Variants in KBTBD11 observed in about 807,000 individuals in gnomAD.
KBTBD11 encodes kelch repeat and BTB domain-containing protein 11.
For missense variants in KBTBD11, 1,390 were observed against 1,001.8 expected (o/e 1.39, Z -5.23); for synonymous variants, 747 against 499.0 (o/e 1.50, Z -6.63).
rs1442780349 is a variant in KBTBD11, at chr8:2,002,892, G to A, written c.1700G>A (p.Arg567His). 1.4e-5 allele frequency: 18 copies of A among 1,322,416 alleles called. No individual in the cohort carries two copies. The highest frequency in any genetic ancestry group is 4.1e-5 in the Admixed American group (1 of 24,180). The allele number at this position is 1,322,416 out of a possible 1,614,324, so 81.9% of individuals were successfully genotyped here. A position where few individuals can be genotyped will look rare whatever the true frequency, so the allele number is the denominator to read the frequency against. ...GACGGCGCCATCTACTGCGTGAGCC[G>A]CGCGGGCACCTGGCGCTTCCAGCCT... ...ALDGAIYCVS[R>H]AGTWRFQPAR... is the part of the protein sequence containing the mutation. The change falls in exon 2 of 2, where the codon CGC (arginine) becomes CAC (histidine). Residue 567 changes from arginine (R) to histidine (H), a missense_variant. By Grantham distance (29) the Arg-to-His change is conservative. Coordinates refer to ENST00000320248, the MANE Select transcript of KBTBD11 (RefSeq NM_014867.3). This position sits in a 1 kb window ranked among gnomAD's most constrained non-coding sequence, Gnocchi z 4.1.
intron 1 of KBTBD11, among the ~76,000 whole-genome samples, chr8:1,980,123 A>G (rs894045496): frequency 1.3e-5 from 2 of 152,138 alleles, no homozygotes; most frequent in African/African-American, 4.8e-5. Flanking sequence ...TAAGTATGAC[A>G]TCTTATTAGA....
Position 1,973,709 on chromosome 8 carries a change from C to A in KBTBD11, c.-1135C>A, listed in dbSNP as rs970102596. On this transcript the variant is annotated 5_prime_UTR_variant, in exon 1 of 2. Coordinates refer to ENST00000320248, the MANE Select transcript of KBTBD11 (RefSeq NM_014867.3). ...GCGCGCGCCCCTCGCAGCCTGGAGCCGGAGCGCTGGCTCCGCGCGGCCTGG... is the reference window on the plus strand; with the variant it reads ...GCGCGCGCCCCTCGCAGCCTGGAGCAGGAGCGCTGGCTCCGCGCGGCCTGG... 72 of 983,704 alleles carry A rather than the reference C, an allele frequency of 7.3e-5. No homozygotes were observed. Among genetic ancestry groups the A allele is most frequent in the Non-Finnish European group, 8.6e-5 (71 of 829,334 alleles). The allele number at this position is 983,704 out of a possible 1,614,324, so 60.9% of individuals were successfully genotyped here. A position where few individuals can be genotyped will look rare whatever the true frequency, so the allele number is the denominator to read the frequency against.
At chr8:1,974,421 C>A (rs922005012) in intron 1 of KBTBD11, 2 of 985,144 alleles carry the variant, frequency 2.0e-6, no homozygotes, top group Non-Finnish European at 2.4e-6. Flanking sequence ...GGCGGGGGCT[C>A]CTCCCGGGGT....
chr8:2,001,330 G>A lies in KBTBD11; in HGVS notation c.138G>A (p.Gly46=). The A allele has an allele frequency of 1.3e-6, 2 of 1,516,450 alleles. No individual in the cohort carries two copies. The highest frequency in any genetic ancestry group is 1.8e-6 in the Non-Finnish European group (2 of 1,140,090). The allele number at this position is 1,516,450 out of a possible 1,614,324, so 93.9% of individuals were successfully genotyped here. A position where few individuals can be genotyped will look rare whatever the true frequency, so the allele number is the denominator to read the frequency against. The change falls in exon 2 of 2, where the codon GGG becomes GGA. Residue 46 remains glycine (G), a synonymous_variant. Transcript: ENST00000320248. The part of the protein sequence containing the change: ...SLGASLCFSS[G]EESPPQSLAS... ...GCGCGTCCCTGTGCTTCAGCTCCGG[G>A]GAAGAGTCCCCGCCGCAGTCCCTCG...
rs1161290017 is a variant in KBTBD11, at chr8:2,002,309, G to A, written c.1117G>A (p.Asp373Asn). 1 of 1,336,700 alleles carries A rather than the reference G, an allele frequency of 7.5e-7. No homozygotes were observed. The highest frequency in any genetic ancestry group is 1.7e-5 in the South Asian group (1 of 58,918). The allele number at this position is 1,336,700 out of a possible 1,614,324, so 82.8% of individuals were successfully genotyped here. ...VAGGVAPAGP[D>N]GRARPSDQVF... Reference sequence around the variant, plus strand: ...GGGCGGCGTGGCGCCCGCGGGCCCCGACGGCCGCGCGCGCCCGTCCGACCA... The same window carrying A: ...GGGCGGCGTGGCGCCCGCGGGCCCCAACGGCCGCGCGCGCCCGTCCGACCA... Residue 373 changes from aspartate to asparagine, a missense_variant, in exon 2 of 2, where the codon GAC (aspartate) becomes AAC (asparagine). By Grantham distance (23) the Asp-to-Asn change is conservative. Transcript: ENST00000320248. This position sits in a 1 kb window ranked among gnomAD's most constrained non-coding sequence, Gnocchi z 4.1.
At chr8:1,990,390 C>T (rs1211457737) in intron 1 of KBTBD11, among the ~76,000 whole-genome samples, 1 of 130,996 alleles carries the variant, frequency 7.6e-6, no homozygotes, top group Non-Finnish European at 1.6e-5. Flanking sequence ...GGCCTTGGCG[C>T]CCTGTCCGGG....
chr8:1,979,830 G>A (rs545208257), intron 1 of KBTBD11, among the ~76,000 whole-genome samples: 6 of 152,230 alleles, frequency 3.9e-5, no homozygotes, highest in Non-Finnish European at 7.3e-5. Flanking sequence ...GACAGGGCTC[G>A]GGCCTCATCC....
At chr8:1,998,098 G>A (rs539678293) in intron 1 of KBTBD11, among the ~76,000 whole-genome samples, 14 of 152,364 alleles carry the variant, frequency 9.2e-5, no homozygotes, top group Middle Eastern at 3.4e-3. Flanking sequence ...TCCAAAATCT[G>A]AACTGTTTTG....
intron 1 of KBTBD11, among the ~76,000 whole-genome samples, chr8:1,991,130 A>T (rs141251000): frequency 7.0e-6 from 1 of 143,878 alleles, no homozygotes; most frequent in Non-Finnish European, 1.5e-5. Context: ...GTCCGGGTAG[A>T]TGCTGTGGGG....
chr8:2,005,687 A>G lies in KBTBD11; in HGVS notation c.*2623A>G, dbSNP rs1817552288. 6.0e-6 allele frequency: 1 copy of G among 167,124 alleles called. No homozygotes were observed. Among genetic ancestry groups the G allele is most frequent in the South Asian group, 2.1e-4 (1 of 4,830 alleles). The allele number at this position is 167,124 out of a possible 1,614,324, so 10.4% of individuals were successfully genotyped here. ...GTCATCCACCCATTAAAATAGTTAG[A>G]TGAGGCTATTGCCTTGATGACAGCT... On this transcript the variant is annotated 3_prime_UTR_variant, in exon 2 of 2. Transcript: ENST00000320248.
Position 2,001,996 on chromosome 8 carries a change from C to A in KBTBD11, c.804C>A (p.Arg268=). ...GCGACCACTATCTGGAGGTGCTGCGCGAGCCCGCCGTGTTCGGCCGCCTGT... is the reference window on the plus strand; with the variant it reads ...GCGACCACTATCTGGAGGTGCTGCGAGAGCCCGCCGTGTTCGGCCGCCTGT... The part of the protein sequence containing the change: ...FMSDHYLEVL[R]EPAVFGRLSG... The change falls in exon 2 of 2, where the codon CGC becomes CGA. Residue 268 remains arginine (R), a synonymous_variant. Transcript: ENST00000320248. 7.1e-7 allele frequency: 1 copy of A among 1,414,988 alleles called. No homozygotes were observed. Among genetic ancestry groups the A allele is most frequent in the Non-Finnish European group, 9.3e-7 (1 of 1,076,954 alleles). The allele number at this position is 1,414,988 out of a possible 1,614,324, so 87.7% of individuals were successfully genotyped here. A position where few individuals can be genotyped will look rare whatever the true frequency, so the allele number is the denominator to read the frequency against.
In KBTBD11 at chr8:2,001,736, A is replaced by G; in HGVS notation, c.544A>G (p.Thr182Ala). The G allele has an allele frequency of 7.3e-7, 1 of 1,362,410 alleles. No individual in the cohort carries two copies. The highest frequency in any genetic ancestry group is 1.5e-5 in the African/African-American group (1 of 65,334). The allele number at this position is 1,362,410 out of a possible 1,614,324, so 84.4% of individuals were successfully genotyped here. A position where few individuals can be genotyped will look rare whatever the true frequency, so the allele number is the denominator to read the frequency against. The part of the protein sequence containing the change: ...DVLRVQGVSL[T>A]ALRLLLADAY... ...GCTGCGGGTGCAGGGAGTGAGCCTGACGGCGCTGCGGCTGCTCCTCGCCGA... is the reference window on the plus strand; with the variant it reads ...GCTGCGGGTGCAGGGAGTGAGCCTGGCGGCGCTGCGGCTGCTCCTCGCCGA... The change falls in exon 2 of 2, where the codon ACG (threonine) becomes GCG (alanine). Residue 182 changes from threonine (T) to alanine (A), a missense_variant. Coordinates refer to ENST00000320248, the MANE Select transcript of KBTBD11 (RefSeq NM_014867.3).
intron 1 of KBTBD11, among the ~76,000 whole-genome samples, chr8:1,997,159 G>C (rs961021028): frequency 5.3e-5 from 8 of 152,250 alleles, no homozygotes; most frequent in Admixed American, 2.0e-4. Flanking sequence ...GCGAGTTTCA[G>C]TAATTTCACA....
At chr8:1,993,141 C>G (rs973994262) in intron 1 of KBTBD11, among the ~76,000 whole-genome samples, 3 of 151,930 alleles carry the variant, frequency 2.0e-5, no homozygotes, top group African/African-American at 4.8e-5. Flanking sequence ...GGGAAAGGGT[C>G]TCCCCATGTT....
In KBTBD11 at chr8:2,001,950, A is replaced by T; in HGVS notation, c.758A>T (p.Asp253Val). ...AKRQRLNELRDAAYCFMSDHY... is the reference protein window; with the variant it reads ...AKRQRLNELRVAAYCFMSDHY... ...CGGCAGCGGCTGAACGAGCTGCGCG[A>T]CGCCGCCTACTGCTTCATGAGCGAC... Residue 253 changes from aspartate (D) to valine (V), a missense_variant, in exon 2 of 2, where the codon GAC becomes GTC. By Grantham distance (152) the Asp-to-Val change is radical. Transcript: ENST00000320248. 6.8e-7 allele frequency: 1 copy of T among 1,473,808 alleles called. No homozygotes were observed. Among genetic ancestry groups the T allele is most frequent in the African/African-American group, 1.5e-5 (1 of 68,026 alleles). 91.3% of individuals were successfully genotyped at this position (1,473,808 alleles called of 1,614,324 possible). A position where few individuals can be genotyped will look rare whatever the true frequency, so the allele number is the denominator to read the frequency against.
chr8:1,987,289 T>C (rs1314045828), intron 1 of KBTBD11, among the ~76,000 whole-genome samples: 1 of 152,222 alleles, frequency 6.6e-6, no homozygotes, highest in African/African-American at 2.4e-5. Flanking sequence ...ATTCAAAATT[T>C]TGTTTATGAA....
intron 1 of KBTBD11, among the ~76,000 whole-genome samples, chr8:1,994,085 G>T (rs1817042981): frequency 6.6e-6 from 1 of 152,116 alleles, no homozygotes; most frequent in African/African-American, 2.4e-5. Flanking sequence ...TCGTTTACCG[G>T]CCTACGGAGC....
chr8:1,976,763 T>G (rs1471907866), intron 1 of KBTBD11, among the ~76,000 whole-genome samples: 1 of 152,196 alleles, frequency 6.6e-6, no homozygotes, highest in Admixed American at 6.5e-5. Context: ...TTCCCTTGAA[T>G]GCACGTAACA....
intron 1 of KBTBD11, among the ~76,000 whole-genome samples, chr8:1,977,462 G>A (rs1163039709): frequency 6.6e-6 from 1 of 152,080 alleles, no homozygotes; most frequent in Non-Finnish European, 1.5e-5. Flanking sequence ...AGTCTCTGGA[G>A]AGGCTCTGCA....
Sources: allele counts gnomAD v4.1 joint callset (sites outside exome capture counted in the v4.1 genomes callset), GRCh38; gene constraint gnomAD v4.1.1; non-coding constraint Gnocchi (gnomAD v3.1); transcripts MANE v1.5; gene names NCBI Gene and HGNC (gene_info 2026-07-23, HGNC 2026-07-21).